The following ZNF182 variants were observed in gnomAD, a reference collection of about 807,000 sequenced individuals.
ZNF182 encodes the protein zinc finger protein 182.
ZNF182 carries 10 observed loss-of-function variants against 28.1 expected under a neutral mutation model. That is an observed-to-expected ratio of 0.36 (90% CI 0.22 to 0.60). The LOEUF (loss-of-function observed/expected upper bound fraction) is 0.60. Ranked by LOEUF, ZNF182 falls within the 20% of genes least tolerant of loss-of-function variation. The pLI is 0.75. For synonymous variants in ZNF182, 156 were observed against 158.7 expected (o/e 0.98, Z 0.13); for missense variants, 352 against 453.2 (o/e 0.78, Z 2.03).
chrX:47,976,171 T>C lies in ZNF182; in HGVS notation c.1859A>G (p.His620Arg). 1 of 1,147,919 alleles carries C rather than the reference T, an allele frequency of 8.7e-7. No individual in the cohort carries two copies. Among genetic ancestry groups the C allele is most frequent in the Non-Finnish European group, 1.2e-6 (1 of 867,407 alleles). The allele number at this position is 1,147,919 out of a possible 1,213,427, so 94.6% of individuals were successfully genotyped here. A position where few individuals can be genotyped will look rare whatever the true frequency, so the allele number is the denominator to read the frequency against. ...TAGATACTGCTGATTAGCTCTCTAATGTGCCATGAACTTTGACTTCCGAGT... is the reference window on the plus strand; with the variant it reads ...TAGATACTGCTGATTAGCTCTCTAACGTGCCATGAACTTTGACTTCCGAGT... ...GHTRKSKFMA[H>R] Residue 620 changes from histidine (H) to arginine (R), a missense_variant, in exon 6 of 6, where the codon CAT becomes CGT. Physicochemically the swap from His to Arg is conservative, Grantham distance 29. Coordinates refer to ENST00000376943, the MANE Select transcript of ZNF182 (RefSeq NM_001007088.2).
chrX:47,983,535 T>C (rs1207817475), intron 3 of ZNF182, 124 bp from the exon 4 acceptor site: 5 of 777,534 alleles, frequency 6.4e-6, no homozygotes, highest in Non-Finnish European at 9.0e-6. Context: ...GCCTATTTCA[T>C]ATCAAGTTAG....
chrX:47,989,757 G>GCT (rs1556900248), intron 3 of ZNF182, among the ~76,000 whole-genome samples: 1 of 112,160 alleles, frequency 8.9e-6, no homozygotes, highest in Non-Finnish European at 1.9e-5. Flanking sequence ...GAGGAGGCCA[G>GCT]CTCCTGGCTA....
Position 47,976,230 on chromosome X carries a change from G to T in ZNF182, c.1800C>A (p.Thr600=). ...TTCCATGGGCTTTCTTTCCTGCATG[G>T]GTTCGCTGATGTACAATAAGGTTTG... ...QKSNLIVHQR[T]HAGKKAHGRG... The change falls in exon 6 of 6, where the codon ACC becomes ACA. Residue 600 remains threonine (T), a synonymous_variant. Coordinates refer to ENST00000376943, the MANE Select transcript of ZNF182 (RefSeq NM_001007088.2). 1 of 1,185,851 alleles carries T rather than the reference G, an allele frequency of 8.4e-7. No individual in the cohort carries two copies. Among genetic ancestry groups the T allele is most frequent in the Non-Finnish European group, 1.1e-6 (1 of 885,577 alleles).
At chrX:47,986,147 C>G (rs2058922555) in intron 3 of ZNF182, among the ~76,000 whole-genome samples, 2 of 112,226 alleles carry the variant, frequency 1.8e-5, no homozygotes, top group African/African-American at 6.5e-5. Context: ...TTGGGTCACT[C>G]TACTGGGTAA....
intron 3 of ZNF182, among the ~76,000 whole-genome samples, chrX:47,985,869 C>T (rs192246960): frequency 9.0e-6 from 1 of 111,462 alleles, no homozygotes; most frequent in African/African-American, 3.3e-5. Flanking sequence ...TTAAGACTGC[C>T]ACCTGGCTAC....
intron 3 of ZNF182, among the ~76,000 whole-genome samples, chrX:47,995,039 C>T (rs995485213): frequency 3.7e-5 from 4 of 109,491 alleles, no homozygotes; most frequent in Non-Finnish European, 7.6e-5. Flanking sequence ...TTTTATAAGA[C>T]CAGCAGAAGA....
At chrX:47,996,119 T>C (rs1366881186) in intron 3 of ZNF182, among the ~76,000 whole-genome samples, 1 of 112,267 alleles carries the variant, frequency 8.9e-6, no homozygotes, top group African/African-American at 3.2e-5. Flanking sequence ...TATCCTTGAG[T>C]TCTTTAAAAT....
chrX:47,994,671 C>T (rs1556900835), intron 3 of ZNF182, among the ~76,000 whole-genome samples: 1 of 111,683 alleles, frequency 9.0e-6, no homozygotes, highest in African/African-American at 3.3e-5. Context: ...TGGAGTCTCG[C>T]TCTGTTGCCC....
At chrX:47,983,147 A>C in intron 4 of ZNF182, 109 bp from the exon 5 acceptor site, 1 of 1,095,702 alleles carries the variant, frequency 9.1e-7, no homozygotes, top group Admixed American at 2.3e-5. Flanking sequence ...ACATAATGGT[A>C]AAGTCAAACC....
At chrX:48,000,049 T>C (rs1054172616) in intron 3 of ZNF182, among the ~76,000 whole-genome samples, 6 of 109,948 alleles carry the variant, frequency 5.5e-5, no homozygotes, top group African/African-American at 2.0e-4. Context: ...GGCAGGGGAA[T>C]TGCTTGAACC....
intron 5 of ZNF182, among the ~76,000 whole-genome samples, chrX:47,982,048 C>T (rs1556899181): frequency 9.0e-6 from 1 of 111,726 alleles, no homozygotes; most frequent in Admixed American, 9.5e-5. Flanking sequence ...TCCATAATAA[C>T]CAAAAGGTTG....
chrX:47,997,020 T>C (rs2058960730), intron 3 of ZNF182, among the ~76,000 whole-genome samples: 1 of 111,865 alleles, frequency 8.9e-6, no homozygotes, highest in African/African-American at 3.3e-5. Context: ...TATACCCAGC[T>C]ACATGCTGTC....
chrX:47,982,969 AT>A lies in ZNF182; in HGVS notation c.211del (p.Ile71SerfsTer29). On this transcript the variant is annotated frameshift_variant, in exon 5 of 6. Transcript: ENST00000376943. LOFTEE classifies it high-confidence loss of function. ...CTTACCTGGAAAGTTCCAAAATGGG[AT>A]TTTTCCTTCTGCCGGGCATTCTTCT... ...EVEECPAEGKIPFWNFPEVCQ... is the reference protein window; with the variant it reads ...EVEECPAEGKXPFWNFPEVCQ... 1 of 1,210,753 alleles carries A rather than the reference AT, an allele frequency of 8.3e-7. No individual in the cohort carries two copies. The highest frequency in any genetic ancestry group is 1.1e-6 in the Non-Finnish European group (1 of 895,129).
intron 3 of ZNF182, among the ~76,000 whole-genome samples, chrX:48,000,399 T>C (rs1556901781): frequency 9.2e-6 from 1 of 109,138 alleles, no homozygotes; most frequent in African/African-American, 3.3e-5. Context: ...CTGTCTCTAC[T>C]AAGAATATAA....
chrX:47,977,159 T>C lies in ZNF182; in HGVS notation c.871A>G (p.Arg291Gly), dbSNP rs2058887856. Residue 291 changes from arginine to glycine, a missense_variant, in exon 6 of 6, where the codon AGG becomes GGG. By Grantham distance (125) the Arg-to-Gly change is moderately radical. Transcript: ENST00000376943. Reference sequence around the variant, plus strand: ...TAAGGTTTTTCTCCTGTGTGAGTCCTGTAATGTATGATGACAGTTGACTTT... The same window carrying C: ...TAAGGTTTTTCTCCTGTGTGAGTCCCGTAATGTATGATGACAGTTGACTTT... ...REKSTVIIHY[R>G]THTGEKPYEC... 8.3e-7 allele frequency: 1 copy of C among 1,206,906 alleles called. No individual in the cohort carries two copies.
chrX:47,988,084 A>G (rs1407214050), intron 3 of ZNF182, among the ~76,000 whole-genome samples: 2 of 110,878 alleles, frequency 1.8e-5, no homozygotes, highest in Non-Finnish European at 3.8e-5. Flanking sequence ...TGGGAGGCTG[A>G]GGTGGGTGGA....
intron 3 of ZNF182, 99 bp from the exon 4 acceptor site, chrX:47,983,510 G>T: frequency 1.1e-6 from 1 of 945,043 alleles, no homozygotes; most frequent in South Asian, 2.7e-5. Context: ...TCATCATGAT[G>T]ACTCAATATT....
At chrX:47,989,600 A>G (rs1360274578) in intron 3 of ZNF182, among the ~76,000 whole-genome samples, 1 of 112,170 alleles carries the variant, frequency 8.9e-6, no homozygotes, top group Non-Finnish European at 1.9e-5. Context: ...TGTCACAGAC[A>G]TGAAAAACAA....
chrX:47,980,522 A>G (rs1401742969), intron 5 of ZNF182, among the ~76,000 whole-genome samples: 1 of 112,226 alleles, frequency 8.9e-6, no homozygotes, highest in Non-Finnish European at 1.9e-5. Flanking sequence ...ATCATGACAC[A>G]CTGTATATAT....
Sources: gnomAD v4.1 joint callset for allele counts (sites outside exome capture counted in the v4.1 genomes callset) on GRCh38, gnomAD v4.1.1 for gene constraint, MANE v1.5 for transcripts, NCBI Gene and HGNC (gene_info 2026-07-23, HGNC 2026-07-21) for gene names.